PCDHGC5: variants seen among roughly 807,000 people sequenced by gnomAD.
The protein encoded by PCDHGC5 is protocadherin gamma-C5.
In PCDHGC5, 25 loss-of-function variants were observed where a neutral mutation model predicts 59.0. That is an observed-to-expected ratio of 0.42 (90% CI 0.31 to 0.59). The LOEUF (loss-of-function observed/expected upper bound fraction) is 0.59. PCDHGC5 is among the 20% of genes least tolerant of loss of function. The pLI, the probability that PCDHGC5 is intolerant of heterozygous loss-of-function variation, is 0.13. For missense variants in PCDHGC5, 1,067 were observed against 1,206.4 expected, an observed-to-expected ratio of 0.88 and a Z score of 1.71; for synonymous variants, 434 against 505.5, an observed-to-expected ratio of 0.86 and a Z score of 1.90.
chr5:141,500,104 T>G (rs917633032), intron 2 of PCDHGC5, among the ~76,000 whole-genome samples: 4 of 152,124 alleles, frequency 2.6e-5, no homozygotes, highest in Non-Finnish European at 4.4e-5. Flanking sequence ...AATTTATTTG[T>G]TGAATCCCTG....
intron 2 of PCDHGC5, among the ~76,000 whole-genome samples, chr5:141,502,857 ACT>A (rs1332453483): frequency 7.7e-5 from 7 of 91,446 alleles, no homozygotes; most frequent in African/African-American, 4.1e-4. Flanking sequence ...CCTAACCCTG[ACT>A]CTCTGTCTTT....
rs769652961 is a variant in PCDHGC5, at chr5:141,489,435, A to G, written c.195A>G (p.Gln65=). ...KMTDLLSRRL[Q]LGSEENGRYF... ...CAGATCTGTTGAGCCGGCGGCTGCAATTGGGCTCTGAGGAGAATGGGCGCT... is the reference window on the plus strand; with the variant it reads ...CAGATCTGTTGAGCCGGCGGCTGCAGTTGGGCTCTGAGGAGAATGGGCGCT... Residue 65 remains glutamine, a synonymous_variant, in exon 1 of 4, where the codon CAA becomes CAG. Coordinates refer to ENST00000252087, the MANE Select transcript of PCDHGC5 (RefSeq NM_018929.3). This position sits in a 1 kb window ranked among gnomAD's most constrained non-coding sequence, Gnocchi z 4.5. 2 of 1,614,138 alleles carry G rather than the reference A, an allele frequency of 1.2e-6. No homozygotes were observed. The highest frequency in any genetic ancestry group is 1.7e-6 in the Non-Finnish European group (2 of 1,180,024).
rs748115530 is a variant in PCDHGC5 at position 141,489,429 on chromosome 5, G to C, written c.189G>C (p.Arg63=). 5 of 1,614,022 alleles carry C rather than the reference G, an allele frequency of 3.1e-6. No individual in the cohort carries two copies. The East Asian group carries it at 8.9e-5, about 29-fold the overall frequency. ...AGATGACAGATCTGTTGAGCCGGCG[G>C]CTGCAATTGGGCTCTGAGGAGAATG... The part of the protein sequence containing the change: ...GLKMTDLLSR[R]LQLGSEENGR... The change falls in exon 1 of 4, where the codon CGG becomes CGC. Residue 63 remains arginine, a synonymous_variant. Transcript: ENST00000252087. The surrounding 1 kb of genome is among the most constrained non-coding windows in gnomAD (Gnocchi z 4.5).
At chr5:141,502,862 C>CTTTT (rs2154593209) in intron 2 of PCDHGC5, among the ~76,000 whole-genome samples, 1 of 68,550 alleles carries the variant, frequency 1.5e-5, no homozygotes, top group African/African-American at 9.9e-5. Flanking sequence ...CCCTGACTCT[C>CTTTT]TGTCTTTTTT....
In PCDHGC5 at chr5:141,512,267, G is replaced by C. The variant is rs2099884152; in HGVS notation, c.*1094G>C. On this transcript the variant is annotated 3_prime_UTR_variant, in exon 4 of 4. Coordinates refer to ENST00000252087, the MANE Select transcript of PCDHGC5 (RefSeq NM_018929.3). ...GCCTCTGTGGGTGCTGGGTACTCCA[G>C]AGGTGCCACTGGTGGAAGGGTCAGC... 2.6e-5 allele frequency: 4 copies of C among 152,744 alleles called. No homozygotes were observed. Among genetic ancestry groups the C allele is most frequent in the Admixed American group, 2.6e-4 (4 of 15,290 alleles). 9.5% of individuals were successfully genotyped at this position (152,744 alleles called of 1,614,324 possible). A position where few individuals can be genotyped will look rare whatever the true frequency, so the allele number is the denominator to read the frequency against.
In PCDHGC5 at chr5:141,512,903, C is replaced by G. The variant is rs2099884492; in HGVS notation, c.*1730C>G. On this transcript the variant is annotated 3_prime_UTR_variant, in exon 4 of 4. Coordinates refer to ENST00000252087, the MANE Select transcript of PCDHGC5 (RefSeq NM_018929.3). ...CCCCACCCTCTTCCTGTGTCTCACG[C>G]AAGTTTTATACTCTAATATTTATAT... 6.6e-6 allele frequency: 1 copy of G among 152,224 alleles called. No homozygotes were observed. Among genetic ancestry groups the G allele is most frequent in the African/African-American group, 2.4e-5 (1 of 41,452 alleles). 9.4% of individuals were successfully genotyped at this position (152,224 alleles called of 1,614,324 possible).
At chr5:141,496,021 G>A (rs1011612662) in intron 2 of PCDHGC5, among the ~76,000 whole-genome samples, 1 of 151,336 alleles carries the variant, frequency 6.6e-6, no homozygotes, top group Admixed American at 6.6e-5. Context: ...TTTTCTCTGA[G>A]CCTCTGTCTC....
chr5:141,502,246 T>A (rs1449536622), intron 2 of PCDHGC5, among the ~76,000 whole-genome samples: 1 of 152,206 alleles, frequency 6.6e-6, no homozygotes, highest in African/African-American at 2.4e-5. Flanking sequence ...TTTATCCTTT[T>A]TTTTAATCCA....
At chr5:141,510,849 G>C (rs959784028) in intron 3 of PCDHGC5, 98 bp from the exon 4 acceptor site, 10 of 1,596,568 alleles carry the variant, frequency 6.3e-6, no homozygotes, top group Middle Eastern at 1.7e-4. Flanking sequence ...CAAGGCCCAG[G>C]GTGCTGTATA....
chr5:141,509,638 A>G (rs1204228233), intron 3 of PCDHGC5, among the ~76,000 whole-genome samples: 1 of 152,174 alleles, frequency 6.6e-6, no homozygotes, highest in Admixed American at 6.5e-5. Flanking sequence ...ATGCTGAGCC[A>G]GGGCCAGAGT....
rs190948188 is a variant in PCDHGC5 at position 141,505,972 on chromosome 5, C to T, written c.2608+491C>T. Among the ~76,000 whole-genome samples the T allele has an allele frequency of 5.4e-4, 82 of 152,250 alleles. 1 individual carries two copies. The highest frequency in any genetic ancestry group is 1.9e-3 in the African/African-American group (79 of 41,558). ...GAAAGTGGGTGTAGAAATCCCCAGC[C>T]GAGAGAACACCTCCTCTTTATGCGA... On this transcript the variant is annotated intron_variant, in intron 3 of 3. Transcript: ENST00000252087.
intron 3 of PCDHGC5, among the ~76,000 whole-genome samples, chr5:141,506,621 G>A (rs143369587): frequency 1.3e-5 from 2 of 152,178 alleles, no homozygotes; most frequent in African/African-American, 4.8e-5. Flanking sequence ...GTGTTACCAG[G>A]GCCAAATGCA....
At chr5:141,496,817 T>C (rs2099771666) in intron 2 of PCDHGC5, among the ~76,000 whole-genome samples, 1 of 151,020 alleles carries the variant, frequency 6.6e-6, no homozygotes, top group Non-Finnish European at 1.5e-5. Flanking sequence ...AGTGAACAAG[T>C]AGATGTGATC....
At chr5:141,496,289 G>A (rs1347634489) in intron 2 of PCDHGC5, among the ~76,000 whole-genome samples, 3 of 152,224 alleles carry the variant, frequency 2.0e-5, no homozygotes, top group Non-Finnish European at 4.4e-5. Flanking sequence ...GGTCTGAGCA[G>A]AGTGGGATAG....
intron 3 of PCDHGC5, among the ~76,000 whole-genome samples, chr5:141,509,347 C>A (rs755234053): frequency 2.6e-5 from 4 of 152,142 alleles, no homozygotes; most frequent in Non-Finnish European, 5.9e-5. Context: ...CCTGGGCTGG[C>A]CTGGGCATCC....
At position 141,490,712 on chromosome 5, in the gene PCDHGC5, A is replaced by T; in HGVS notation, c.1472A>T (p.Tyr491Phe). ...PDTGDNARLT[Y>F]SIVGNQVQGA... The stretch of plus-strand genomic sequence containing the variant: ...ACTGGGGATAATGCCCGCCTCACCT[A>T]CTCCATTGTAGGAAATCAGGTTCAG... Residue 491 changes from tyrosine (Y) to phenylalanine (F), a missense_variant, in exon 1 of 4, where the codon TAC becomes TTC. Physicochemically the swap from Tyr to Phe is conservative, Grantham distance 22. Transcript: ENST00000252087. The surrounding 1 kb of genome is among the most constrained non-coding windows in gnomAD (Gnocchi z 5.4). The T allele has an allele frequency of 6.2e-7, 1 of 1,613,686 alleles. No homozygotes were observed. The highest frequency in any genetic ancestry group is 8.5e-7 in the Non-Finnish European group (1 of 1,179,894).
chr5:141,504,680 A>G (rs912248504), intron 2 of PCDHGC5, among the ~76,000 whole-genome samples: 1 of 150,294 alleles, frequency 6.7e-6, no homozygotes, highest in Non-Finnish European at 1.5e-5. Flanking sequence ...GGGTTCTTGT[A>G]AAATAGGAGG....
chr5:141,498,254 G>A (rs550611179), intron 2 of PCDHGC5, among the ~76,000 whole-genome samples: 2 of 152,338 alleles, frequency 1.3e-5, no homozygotes, highest in East Asian at 3.9e-4. Context: ...AGCAGGGCTG[G>A]TGTTGAGTTC....
At chr5:141,510,132 G>A (rs920772998) in intron 3 of PCDHGC5, among the ~76,000 whole-genome samples, 2 of 152,120 alleles carry the variant, frequency 1.3e-5, no homozygotes, top group African/African-American at 4.8e-5. Context: ...AAATTAGCTG[G>A]GCTAGTGGTG....
Sources: allele counts gnomAD v4.1 joint callset (sites outside exome capture counted in the v4.1 genomes callset), GRCh38; gene constraint gnomAD v4.1.1; non-coding constraint Gnocchi (gnomAD v3.1); transcripts MANE v1.5; gene names NCBI Gene and HGNC (gene_info 2026-07-23, HGNC 2026-07-21).